The following UGT1A9 variants were observed in gnomAD, a reference collection of about 807,000 sequenced individuals.
UGT1A9 encodes the protein UDP-glucuronosyltransferase 1A9.
UGT1A9 carries 35 observed loss-of-function variants against 45.0 expected under a neutral mutation model. The observed-to-expected ratio is 0.78, with a 90% confidence interval of 0.59 to 1.03. UGT1A9 has a LOEUF of 1.03. Among genes scored for constraint, UGT1A9 ranks in the 50% least tolerant of loss-of-function variants. The pLI is 0.00. For synonymous variants in UGT1A9, 278 were observed against 250.6 expected, an observed-to-expected ratio of 1.11 and a Z score of -1.03; for missense variants, 687 against 666.6, an observed-to-expected ratio of 1.03 and a Z score of -0.34.
Position 233,672,522 on chromosome 2 carries a change from G to T in UGT1A9, c.588G>T (p.Gly196=), listed in dbSNP as rs151216459. The stretch of plus-strand genomic sequence containing the variant: ...CCTATGTCCCCAGAATTCTCTTAGG[G>T]TTCTCAGATGCCATGACTTTCAAGG... The part of the protein sequence containing the change: ...PLSYVPRILL[G]FSDAMTFKER... Residue 196 remains glycine (G), a synonymous_variant, in exon 1 of 5, where the codon GGG becomes GGT. Coordinates refer to ENST00000354728, the MANE Select transcript of UGT1A9 (RefSeq NM_021027.3). 1,670 of 1,613,876 alleles carry T rather than the reference G, an allele frequency of 1.0e-3. 24 individuals are homozygous for T. In the East Asian group the frequency reaches 0.023, roughly 22 times the overall value.
intron 1 of UGT1A9, among the ~76,000 whole-genome samples, chr2:233,673,449 A>T (rs1417068364): frequency 6.6e-6 from 1 of 152,102 alleles, no homozygotes; most frequent in East Asian, 1.9e-4. Context: ...ACTCTTTAAT[A>T]CTTTCCTTAC....
At chr2:233,713,231 T>C in intron 1 of UGT1A9, 1 of 1,614,264 alleles carries the variant, frequency 6.2e-7, no homozygotes, top group South Asian at 1.1e-5. Flanking sequence ...TGACAACGTA[T>C]GCCATTTCAT....
intron 1 of UGT1A9, among the ~76,000 whole-genome samples, chr2:233,741,312 A>G (rs536876139): frequency 2.0e-5 from 3 of 151,548 alleles, no homozygotes; most frequent in African/African-American, 4.9e-5. Context: ...ATACACACCA[A>G]CTCATTCTAC....
intron 1 of UGT1A9, among the ~76,000 whole-genome samples, chr2:233,745,008 AATGTAAATGCT>A (rs1243749653): frequency 6.6e-6 from 1 of 151,846 alleles, no homozygotes; most frequent in Non-Finnish European, 1.5e-5. Flanking sequence ...TTACCTAATA[AATGTAAATGCT>A]ATGTAAATAG....
chr2:233,756,399 T>G (rs189386635), intron 1 of UGT1A9: 1 of 152,208 alleles, frequency 6.6e-6, no homozygotes. Flanking sequence ...CAGTATTGGT[T>G]TTTTATTTGT....
At chr2:233,704,173 G>A (rs28899182) in intron 1 of UGT1A9, among the ~76,000 whole-genome samples, 112 of 151,522 alleles carry the variant, frequency 7.4e-4, no homozygotes, top group African/African-American at 2.6e-3. Context: ...TTACAGGTGT[G>A]AGCCACTGTG....
chr2:233,703,933 C>T (rs954391531), intron 1 of UGT1A9, among the ~76,000 whole-genome samples: 4 of 151,854 alleles, frequency 2.6e-5, no homozygotes, highest in Non-Finnish European at 5.9e-5. Context: ...TTCTGTTACC[C>T]AGACTGGAGT....
chr2:233,731,329 A>C (rs1284025044), intron 1 of UGT1A9, among the ~76,000 whole-genome samples: 2 of 150,010 alleles, frequency 1.3e-5, no homozygotes, highest in Admixed American at 6.7e-5. Context: ...GTACATGTGC[A>C]CAAATTGCAG....
intron 1 of UGT1A9, among the ~76,000 whole-genome samples, chr2:233,754,123 T>C (rs1464588119): frequency 2.6e-5 from 4 of 152,360 alleles, no homozygotes; most frequent in Admixed American, 2.6e-4. Flanking sequence ...CGAGCATTTA[T>C]GTGCAATTAA....
At chr2:233,682,380 A>G in intron 1 of UGT1A9, 2 of 1,613,942 alleles carry the variant, frequency 1.2e-6, no homozygotes, top group Non-Finnish European at 1.7e-6. Flanking sequence ...GTGTTTCTCG[A>G]TCCTTTTGAT....
At chr2:233,719,126 A>C (rs771877893) in intron 1 of UGT1A9, 16 of 1,614,152 alleles carry the variant, frequency 9.9e-6, no homozygotes, top group Non-Finnish European at 1.4e-5. Context: ...GGTTCTTTGA[A>C]ACAGAACATC....
At chr2:233,740,403 G>A (rs1262585608) in intron 1 of UGT1A9, among the ~76,000 whole-genome samples, 1 of 151,904 alleles carries the variant, frequency 6.6e-6, no homozygotes, top group Non-Finnish European at 1.5e-5. Context: ...TCCCAAAATG[G>A]GGAAGTCTCT....
intron 1 of UGT1A9, among the ~76,000 whole-genome samples, chr2:233,745,926 AAGGG>A (rs1399819653): frequency 2.0e-5 from 3 of 151,524 alleles, no homozygotes; most frequent in East Asian, 3.9e-4. Context: ...AGTGATTCAG[AAGGG>A]ACAGCTGGGG....
intron 1 of UGT1A9, chr2:233,760,277 G>T: frequency 6.2e-7 from 1 of 1,612,686 alleles, no homozygotes. Context: ...TCTGGCAGGA[G>T]CAAAGGCGCC....
At chr2:233,771,437 T>G (rs981684428) in intron 4 of UGT1A9, 1 of 152,226 alleles carries the variant, frequency 6.6e-6, no homozygotes, top group African/African-American at 2.4e-5. Context: ...CATTTTGCAC[T>G]AAGTGGCTGC....
chr2:233,690,850 T>C, intron 1 of UGT1A9: 2 of 1,067,618 alleles, frequency 1.9e-6, no homozygotes, highest in Non-Finnish European at 2.3e-6. Flanking sequence ...TGTTTTCTAA[T>C]ACCTTCTTAA....
intron 1 of UGT1A9, chr2:233,743,541 A>ACC (rs544018510): frequency 2.2e-6 from 3 of 1,366,832 alleles, no homozygotes; most frequent in South Asian, 1.1e-5. Flanking sequence ...AGTTCCTCTG[A>ACC]CCCCCCCAAA....
intron 1 of UGT1A9, among the ~76,000 whole-genome samples, chr2:233,710,674 T>C (rs938811866): frequency 6.6e-6 from 1 of 152,206 alleles, no homozygotes; most frequent in Non-Finnish European, 1.5e-5. Context: ...CAGATAGTTG[T>C]GTTTCTGTTT....
chr2:233,690,425 C>T, intron 1 of UGT1A9: 1 of 1,246,722 alleles, frequency 8.0e-7, no homozygotes, highest in Non-Finnish European at 1.0e-6. Flanking sequence ...CCTTCATGCA[C>T]ATCTTTGGGT....
Sources: gnomAD v4.1 joint callset for allele counts (sites outside exome capture counted in the v4.1 genomes callset) on GRCh38, gnomAD v4.1.1 for gene constraint, MANE v1.5 for transcripts, NCBI Gene and HGNC (gene_info 2026-07-23, HGNC 2026-07-21) for gene names.